Variants in GSE1 observed in about 807,000 individuals in gnomAD.
GSE1 encodes Gse1 coiled-coil protein, also known as genetic suppressor element 1.
A neutral mutation model predicts 112.6 loss-of-function variants in GSE1; 32 were observed. That is an observed-to-expected ratio of 0.28 (90% confidence interval 0.21 to 0.38). The LOEUF is 0.38. GSE1 is among the 10% of genes least tolerant of loss of function. GSE1 has a pLI of 1.00. For synonymous variants in GSE1, 1,115 were observed against 735.6 expected, an observed-to-expected ratio of 1.52 and a Z score of -8.35; for missense variants, 2,348 against 1,699.2, an observed-to-expected ratio of 1.38 and a Z score of -6.71.
chr16:85,662,248 C>A (rs1441311645), intron 9 of GSE1: 1 of 153,892 alleles, frequency 6.5e-6, no homozygotes, highest in African/African-American at 2.6e-5. Context: ...CTTATTTCTG[C>A]TTGGGGGTGG....
intron 1 of GSE1, among the ~76,000 whole-genome samples, chr16:85,324,052 A>G (rs1438482709): frequency 6.6e-6 from 1 of 152,262 alleles, no homozygotes; most frequent in African/African-American, 2.4e-5. Flanking sequence ...AAGGCAGATA[A>G]TAACAAGTGT....
chr16:85,340,859 T>C (rs1175379828), intron 1 of GSE1, among the ~76,000 whole-genome samples: 1 of 152,170 alleles, frequency 6.6e-6, no homozygotes, highest in Non-Finnish European at 1.5e-5. Flanking sequence ...CCTGAGCTGC[T>C]CCACTCCCGG....
At chr16:85,224,108 C>G (rs541791155) in intron 1 of GSE1, among the ~76,000 whole-genome samples, 1 of 151,942 alleles carries the variant, frequency 6.6e-6, no homozygotes, top group South Asian at 2.1e-4. Context: ...CGTGGCGCAT[C>G]TCAAAGCCCC....
At chr16:85,236,244 G>T (rs536006507) in intron 1 of GSE1, among the ~76,000 whole-genome samples, 2 of 152,324 alleles carry the variant, frequency 1.3e-5, no homozygotes, top group East Asian at 3.9e-4. Flanking sequence ...GGGGTGAAGG[G>T]CCGGGTCCTA....
chr16:85,478,763 G>A (rs1207557925), intron 2 of GSE1, among the ~76,000 whole-genome samples: 2 of 150,740 alleles, frequency 1.3e-5, no homozygotes, highest in African/African-American at 2.4e-5. Flanking sequence ...TGCCTCCCAA[G>A]TTCAAGTTAT....
intron 1 of GSE1, among the ~76,000 whole-genome samples, chr16:85,355,522 G>A (rs2046934033): frequency 6.6e-6 from 1 of 152,258 alleles, no homozygotes; most frequent in Non-Finnish European, 1.5e-5. Flanking sequence ...CACCAAGACA[G>A]AGAGCAGACG....
intron 2 of GSE1, among the ~76,000 whole-genome samples, chr16:85,435,582 C>T (rs2049227487): frequency 6.6e-6 from 1 of 152,090 alleles, no homozygotes; most frequent in South Asian, 2.1e-4. Flanking sequence ...CTGTTGCTTT[C>T]CTGCTGCCCC....
At chr16:85,299,495 G>T (rs1411619704) in intron 1 of GSE1, among the ~76,000 whole-genome samples, 1 of 152,182 alleles carries the variant, frequency 6.6e-6, no homozygotes, top group Non-Finnish European at 1.5e-5. Context: ...CGGAGGGAGC[G>T]TATCCCTAGC....
chr16:85,236,426 C>G (rs1014660730), intron 1 of GSE1, among the ~76,000 whole-genome samples: 2 of 152,250 alleles, frequency 1.3e-5, no homozygotes, highest in African/African-American at 4.8e-5. Flanking sequence ...GGGCTAAAAA[C>G]TCTGAGACTT....
At chr16:85,656,855 A>G (rs1330689621) in intron 7 of GSE1, among the ~76,000 whole-genome samples, 190 bp downstream of exon 7, 1 of 152,264 alleles carries the variant, frequency 6.6e-6, no homozygotes, top group Non-Finnish European at 1.5e-5. Context: ...CACAGTGGAT[A>G]TAGCTGACCC....
chr16:85,512,803 G>T (rs986141362), intron 2 of GSE1, among the ~76,000 whole-genome samples: 5 of 152,136 alleles, frequency 3.3e-5, no homozygotes, highest in Non-Finnish European at 7.3e-5. Flanking sequence ...TTTAATCGCA[G>T]GTCCGAGAGG....
chr16:85,307,917 T>C (rs1302369633), intron 1 of GSE1, among the ~76,000 whole-genome samples: 1 of 152,194 alleles, frequency 6.6e-6, no homozygotes, highest in African/African-American at 2.4e-5. Flanking sequence ...AGTTAATCCT[T>C]CACTGTACAC....
Position 85,373,753 on chromosome 16 carries a change from G to A in GSE1, c.2464+16110G>A, listed in dbSNP as rs535052948. On this transcript the variant is annotated intron_variant, in intron 2 of 2. Transcript: ENST00000637419. The surrounding 1 kb of genome is among the most constrained non-coding windows in gnomAD (Gnocchi z 5.1). ...AAGGGCGAATGAATGAGCGCTGGCC[G>A]CCTTCTCCCGGCAGGCCTGGGGACC... Among the ~76,000 whole-genome samples the A allele has an allele frequency of 1.6e-4, 24 of 152,260 alleles. No homozygotes were observed. The East Asian group carries it at 4.6e-3, about 29-fold the overall frequency.
chr16:85,442,981 G>T (rs1199670011), intron 2 of GSE1, among the ~76,000 whole-genome samples: 1 of 152,158 alleles, frequency 6.6e-6, no homozygotes, highest in African/African-American at 2.4e-5. Context: ...CCCTGGCTCC[G>T]TCCGCCCATG....
rs1302540734 is a variant in GSE1, at chr16:85,259,165, A to T, written c.2283+87358A>T. On this transcript the variant is annotated intron_variant, in intron 1 of 2. Transcript: ENST00000637419. ...GTCTGTGGAAGGGAGAAGTAACATC[A>T]TGTCACCAGGGGCGGGGGCTCGTGC... Among the ~76,000 whole-genome samples the T allele has an allele frequency of 2.0e-5, 3 of 152,070 alleles. No individual in the cohort carries two copies. In the East Asian group the frequency reaches 5.8e-4, roughly 30 times the overall value.
intron 1 of GSE1, among the ~76,000 whole-genome samples, chr16:85,343,541 C>G (rs9972869): frequency 0.13 from 19,423 of 152,132 alleles, 1,331 homozygotes; most frequent in Middle Eastern, 0.17. Flanking sequence ...TTTAAGCCAA[C>G]AGTTCGAGAT....
chr16:85,598,576 C>G (rs933336015), intron 1 of GSE1, among the ~76,000 whole-genome samples: 3 of 152,278 alleles, frequency 2.0e-5, no homozygotes, highest in Non-Finnish European at 4.4e-5. Context: ...ATCCGTAGTG[C>G]CCGGACCCCG....
intron 2 of GSE1, among the ~76,000 whole-genome samples, chr16:85,379,572 C>G (rs1256664144): frequency 6.6e-6 from 1 of 152,220 alleles, no homozygotes; most frequent in Non-Finnish European, 1.5e-5. Context: ...CCTGGGTTCT[C>G]ATGGACCATC....
chr16:85,475,013 G>A (rs1181934378), intron 2 of GSE1, among the ~76,000 whole-genome samples: 1 of 152,058 alleles, frequency 6.6e-6, no homozygotes, highest in Non-Finnish European at 1.5e-5. Flanking sequence ...ATGCAGTCAG[G>A]GCGACCCCAT....
Sources: allele counts gnomAD v4.1 joint callset (sites outside exome capture counted in the v4.1 genomes callset), GRCh38; gene constraint gnomAD v4.1.1; non-coding constraint Gnocchi (gnomAD v3.1); transcripts MANE v1.5; gene names NCBI Gene and HGNC (gene_info 2026-07-23, HGNC 2026-07-21).